Variants in ZNF521 observed in about 807,000 individuals in gnomAD.
The protein encoded by ZNF521 is LYST-interacting protein 3.
A neutral mutation model predicts 105.5 loss-of-function variants in ZNF521; 14 were observed. The observed-to-expected ratio is 0.13, with a 90% CI of 0.09 to 0.21. The LOEUF (loss-of-function observed/expected upper bound fraction) is 0.21, where lower values mean the gene tolerates loss of function less well. Ranked by LOEUF, ZNF521 falls within the 10% of genes least tolerant of loss-of-function variation. The pLI is 1.00. For synonymous variants in ZNF521, 635 were observed against 606.0 expected (o/e 1.05, Z -0.70); for missense variants, 1,233 against 1,629.7 (o/e 0.76, Z 4.19).
intron 5 of ZNF521, among the ~76,000 whole-genome samples, chr18:25,096,407 G>A (rs2033852531): frequency 6.6e-6 from 1 of 152,140 alleles, no homozygotes; most frequent in Non-Finnish European, 1.5e-5. Flanking sequence ...TTTATAACAG[G>A]AGAAATATTA....
At chr18:25,305,700 G>A (rs1911937440) in intron 3 of ZNF521, among the ~76,000 whole-genome samples, 2 of 152,018 alleles carry the variant, frequency 1.3e-5, no homozygotes, top group Non-Finnish European at 2.9e-5. Context: ...ATTTTAGAAG[G>A]GAAGAATTTT....
intron 3 of ZNF521, among the ~76,000 whole-genome samples, chr18:25,296,827 A>C (rs766128147): frequency 6.6e-6 from 1 of 152,136 alleles, no homozygotes; most frequent in Non-Finnish European, 1.5e-5. Context: ...GCTGTGCTTA[A>C]TCATAATCAC....
chr18:25,234,875 ATAT>A (rs1412632689), intron 3 of ZNF521, among the ~76,000 whole-genome samples: 4 of 152,246 alleles, frequency 2.6e-5, no homozygotes, highest in African/African-American at 9.6e-5. Context: ...CTATTTAACA[ATAT>A]TATTTAAATA....
At chr18:25,099,851 T>C (rs2033931673) in intron 5 of ZNF521, among the ~76,000 whole-genome samples, 1 of 152,150 alleles carries the variant, frequency 6.6e-6, no homozygotes, top group African/African-American at 2.4e-5. Flanking sequence ...CCCCCACAAA[T>C]TGGTAAGATC....
chr18:25,285,318 T>C (rs1160755193), intron 3 of ZNF521, among the ~76,000 whole-genome samples: 1 of 152,186 alleles, frequency 6.6e-6, no homozygotes, highest in Non-Finnish European at 1.5e-5. Context: ...TTCTGAAATG[T>C]AGGCATTGTA....
At chr18:25,108,555 C>A (rs1369759224) in intron 5 of ZNF521, among the ~76,000 whole-genome samples, 3 of 152,026 alleles carry the variant, frequency 2.0e-5, no homozygotes, top group Admixed American at 2.0e-4. Flanking sequence ...TTTCCCATAG[C>A]TGCAAACTAT....
At chr18:25,164,505 T>C (rs1329260462) in intron 5 of ZNF521, among the ~76,000 whole-genome samples, 1 of 152,224 alleles carries the variant, frequency 6.6e-6, no homozygotes, top group Non-Finnish European at 1.5e-5. Flanking sequence ...GGAAAGAAAC[T>C]AGGAAGATCA....
At chr18:25,101,089 C>T (rs187540852) in intron 5 of ZNF521, among the ~76,000 whole-genome samples, 68 of 152,232 alleles carry the variant, frequency 4.5e-4, no homozygotes, top group Non-Finnish European at 7.9e-4. Flanking sequence ...TGTAAATAAA[C>T]GCCCCCATGT....
chr18:25,109,113 C>A (rs926281372), intron 5 of ZNF521, among the ~76,000 whole-genome samples: 8 of 151,852 alleles, frequency 5.3e-5, no homozygotes, highest in African/African-American at 1.9e-4. Context: ...ACGCCCCCAA[C>A]CCTCCCCCAC....
intron 2 of ZNF521, chr18:25,345,333 G>C (rs927715951): frequency 6.6e-6 from 1 of 152,294 alleles, no homozygotes; most frequent in South Asian, 2.1e-4. Flanking sequence ...GGTTTTTAAA[G>C]GATATGGAAA....
intron 2 of ZNF521, among the ~76,000 whole-genome samples, chr18:25,349,216 C>T (rs1568093231): frequency 6.6e-6 from 1 of 152,188 alleles, no homozygotes; most frequent in Admixed American, 6.5e-5. Context: ...CCTGGTACTT[C>T]GCTCAGCGTT....
rs143767718 is a variant in ZNF521 at position 25,180,071 on chromosome 18, G to C, written c.3658+15089C>G. Among the ~76,000 whole-genome samples the C allele has an allele frequency of 9.3e-3, 1,416 of 152,214 alleles. 27 individuals carry two copies. Among genetic ancestry groups the C allele is most frequent in the African/African-American group, 0.033 (1,368 of 41,534 alleles). On this transcript the variant is annotated intron_variant, in intron 5 of 7. Coordinates refer to ENST00000361524, the MANE Select transcript of ZNF521 (RefSeq NM_015461.3). Reference sequence around the variant, plus strand: ...ACAGATTATGTAAAACAGACTTTTAGAGAAAGTTAAAAAAACTTTTTCGTT... The same window carrying C: ...ACAGATTATGTAAAACAGACTTTTACAGAAAGTTAAAAAAACTTTTTCGTT...
At chr18:25,350,521 T>C (rs1041201164) in intron 2 of ZNF521, among the ~76,000 whole-genome samples, 3 of 152,172 alleles carry the variant, frequency 2.0e-5, no homozygotes. Context: ...TTTGCATATT[T>C]ATTCTTTGCG....
intron 3 of ZNF521, among the ~76,000 whole-genome samples, chr18:25,255,481 AT>A (rs1280612398): frequency 3.9e-5 from 6 of 152,162 alleles, no homozygotes; most frequent in African/African-American, 1.4e-4. Context: ...TTTTTCAGAT[AT>A]GTAGTAACTG....
intron 2 of ZNF521, chr18:25,345,460 C>G (rs1914419744): frequency 6.6e-6 from 1 of 152,126 alleles, no homozygotes; most frequent in Non-Finnish European, 1.5e-5. Context: ...TGTTCAGTAT[C>G]CTATTTTTTG....
chr18:25,310,499 T>C (rs949011592), intron 3 of ZNF521, among the ~76,000 whole-genome samples: 1 of 151,522 alleles, frequency 6.6e-6, no homozygotes, highest in African/African-American at 2.4e-5. Context: ...AAAGATGATA[T>C]AGTGTCCATA....
chr18:25,301,857 A>G (rs1334630721), intron 3 of ZNF521: 3 of 152,224 alleles, frequency 2.0e-5, no homozygotes, highest in Admixed American at 1.3e-4. Flanking sequence ...AGACAAGGGT[A>G]CCAACCCCCT....
rs545282499 is a variant in ZNF521 at position 25,277,178 on chromosome 18, G to A, written c.220+44830C>T. ...AGCCTGAGTGACAGAGCAAGACTCC[G>A]TCTCAAAAAAAAAAAAAAAGTGTAT... On this transcript the variant is annotated intron_variant, in intron 3 of 7. Coordinates refer to ENST00000361524, the MANE Select transcript of ZNF521 (RefSeq NM_015461.3). Among the ~76,000 whole-genome samples, 106 of 139,688 alleles carry A rather than the reference G, an allele frequency of 7.6e-4. 2 individuals are homozygous for A. Among genetic ancestry groups the A allele is most frequent in the Middle Eastern group, 3.8e-3 (1 of 266 alleles). The allele number at this position is 139,688 out of a possible 152,430, so 91.6% of individuals were successfully genotyped here. A position where few individuals can be genotyped will look rare whatever the true frequency, so the allele number is the denominator to read the frequency against.
chr18:25,167,101 T>C (rs1265269712), intron 5 of ZNF521, among the ~76,000 whole-genome samples: 2 of 152,194 alleles, frequency 1.3e-5, no homozygotes, highest in Non-Finnish European at 2.9e-5. Context: ...CTAGCACAGG[T>C]GAACCTAGTT....
Sources: allele counts gnomAD v4.1 joint callset (sites outside exome capture counted in the v4.1 genomes callset), GRCh38; gene constraint gnomAD v4.1.1; transcripts MANE v1.5; gene names NCBI Gene and HGNC (gene_info 2026-07-23, HGNC 2026-07-21).